Variants in PRAMEF14 observed in about 807,000 individuals in gnomAD.
PRAMEF14 encodes PRAME family member 14.
Under a neutral mutation model 38.3 loss-of-function variants are expected in PRAMEF14, and 24 were observed. The ratio of observed to expected loss-of-function variants is 0.63; its 90% CI spans 0.45 to 0.88. The LOEUF (loss-of-function observed/expected upper bound fraction) is 0.88, where lower values mean the gene tolerates loss of function less well. Among genes scored for constraint, PRAMEF14 ranks in the 40% least tolerant of loss-of-function variants. The pLI, the probability that PRAMEF14 is intolerant of heterozygous loss-of-function variation, is 0.00. For synonymous variants in PRAMEF14, 194 were observed against 226.4 expected, an observed-to-expected ratio of 0.86 and a Z score of 1.29; for missense variants, 477 against 570.8, an observed-to-expected ratio of 0.84 and a Z score of 1.67.
In PRAMEF14 at chr1:13,344,274, C is replaced by T; in HGVS notation, c.630G>A (p.Leu210=). ...KIIYLNSIQQ[L]EIRNMSWPRL... ...GTGGCCAGGACATGTTGCGAATTTC[C>T]AGCTGTTGAATACTATTCAGGTATA... The change falls in exon 3 of 4, where the codon CTG becomes CTA. Residue 210 remains leucine, a synonymous_variant. Coordinates refer to ENST00000334600, the MANE Select transcript of PRAMEF14 (RefSeq NM_001024661.2). The T allele has an allele frequency of 6.2e-7, 1 of 1,606,000 alleles. No homozygotes were observed. The highest frequency in any genetic ancestry group is 1.7e-4 in the Middle Eastern group (1 of 6,020).
In PRAMEF14 at chr1:13,344,330, T is replaced by C; in HGVS notation, c.574A>G (p.Ile192Val). 6.2e-7 allele frequency: 1 copy of C among 1,607,988 alleles called. No homozygotes were observed. Among genetic ancestry groups the C allele is most frequent in the Admixed American group, 1.7e-5 (1 of 59,842 alleles). Residue 192 changes from isoleucine to valine, a missense_variant, in exon 3 of 4, where the codon ATT becomes GTT. Physicochemically the swap from Ile to Val is conservative, Grantham distance 29 (BLOSUM62 3). This residue lies in a region of PRAMEF14 where 234 missense variants were observed against 247.4 expected (regional missense o/e 0.95). Coordinates refer to ENST00000334600, the MANE Select transcript of PRAMEF14 (RefSeq NM_001024661.2). ...CSKLVNYLTP[I>V]KHLRKSLKII... ...TTCAATGACTTTCTGAGATGTTTAA[T>C]CGGCGTTAGATAATTGACCAGCTTA...
In PRAMEF14 at chr1:13,342,820, T is replaced by C; in HGVS notation, c.1133A>G (p.Gln378Arg). The part of the protein sequence containing the change: ...AILPGLSHCS[Q>R]LTTFYFGRNC... ...TCTGCCAAAGTAGAAGGTGGTGAGC[T>C]GGGAGCAGTGGCTCAGGCCAGGCAG... Residue 378 changes from glutamine (Q) to arginine (R), a missense_variant, in exon 4 of 4, where the codon CAG (glutamine) becomes CGG (arginine). Physicochemically the swap from Gln to Arg is conservative, Grantham distance 43. Coordinates refer to ENST00000334600, the MANE Select transcript of PRAMEF14 (RefSeq NM_001024661.2). 1.9e-6 allele frequency: 3 copies of C among 1,608,040 alleles called. No individual in the cohort carries two copies. The highest frequency in any genetic ancestry group is 2.5e-6 in the Non-Finnish European group (3 of 1,179,074).
Position 13,344,328 on chromosome 1 carries a change from A to T in PRAMEF14, c.576T>A (p.Ile192=). The T allele has an allele frequency of 6.2e-7, 1 of 1,607,970 alleles. No individual in the cohort carries two copies. The highest frequency in any genetic ancestry group is 8.5e-7 in the Non-Finnish European group (1 of 1,178,322). The stretch of plus-strand genomic sequence containing the variant: ...TTTTCAATGACTTTCTGAGATGTTT[A>T]ATCGGCGTTAGATAATTGACCAGCT... The part of the protein sequence containing the change: ...CSKLVNYLTP[I]KHLRKSLKII... The change falls in exon 3 of 4, where the codon ATT becomes ATA. Residue 192 remains isoleucine (I), a synonymous_variant. Transcript: ENST00000334600.
rs774042273 is a variant in PRAMEF14 at position 13,342,782 on chromosome 1, T to C, written c.1171A>G (p.Met391Val). Residue 391 changes from methionine to valine, a missense_variant, in exon 4 of 4, where the codon ATG (methionine) becomes GTG (valine). This residue lies in a region of PRAMEF14 where 151 missense variants were observed against 137.4 expected (regional missense o/e 1.10). Coordinates refer to ENST00000334600, the MANE Select transcript of PRAMEF14 (RefSeq NM_001024661.2). ...TFYFGRNCMS[M>V]GALKDLLCHT... is the part of the protein sequence containing the mutation. ...CACAACAGGTCCTTCAGGGCACCCA[T>C]AGACATACAATTTCTGCCAAAGTAG... The C allele has an allele frequency of 3.7e-6, 6 of 1,604,170 alleles. No individual in the cohort carries two copies. The highest frequency in any genetic ancestry group is 2.4e-5 in the East Asian group (1 of 41,704).
At chr1:13,346,248 C>A (rs1331322987) in intron 1 of PRAMEF14, among the ~76,000 whole-genome samples, 6 of 151,338 alleles carry the variant, frequency 4.0e-5, no homozygotes, top group South Asian at 2.1e-4. Flanking sequence ...TGGCTCACTC[C>A]TGTAATCCCA....
Position 13,342,592 on chromosome 1 carries a change from G to A in PRAMEF14, c.1361C>T (p.Pro454Leu), listed in dbSNP as rs760816587. ...VRQPKRIFIG[P>L]TPCPSCGSSP... is the part of the protein sequence containing the mutation. ...TGAGCCACAGGAAGGGCAGGGGGTG[G>A]GACCAATGAAGATCCTCTTGGGCTG... Residue 454 changes from proline (P) to leucine (L), a missense_variant, in exon 4 of 4, where the codon CCC (proline) becomes CTC (leucine). Around this residue, in one of 4 missense-constraint regions of PRAMEF14, gnomAD observed 151 missense variants for 137.4 expected, o/e 1.10. Coordinates refer to ENST00000334600, the MANE Select transcript of PRAMEF14 (RefSeq NM_001024661.2). 9.3e-6 allele frequency: 15 copies of A among 1,604,548 alleles called. No individual in the cohort carries two copies. Among genetic ancestry groups the A allele is most frequent in the Non-Finnish European group, 1.2e-5 (14 of 1,177,542 alleles).
At position 13,342,628 on chromosome 1, in the gene PRAMEF14, C is replaced by T; in HGVS notation, c.1325G>A (p.Arg442Lys). 6.2e-7 allele frequency: 1 copy of T among 1,605,030 alleles called. No individual in the cohort carries two copies. The highest frequency in any genetic ancestry group is 8.5e-7 in the Non-Finnish European group (1 of 1,178,008). Residue 442 changes from arginine (R) to lysine (K), a missense_variant, in exon 4 of 4, where the codon AGG (arginine) becomes AAG (lysine). Coordinates refer to ENST00000334600, the MANE Select transcript of PRAMEF14 (RefSeq NM_001024661.2). ...GATCCTCTTGGGCTGCCTGACTTCCCTCAGTGTACACATCAGCTCAGCCCG... is the reference window on the plus strand; with the variant it reads ...GATCCTCTTGGGCTGCCTGACTTCCTTCAGTGTACACATCAGCTCAGCCCG... The part of the protein sequence containing the change: ...LLRAELMCTL[R>K]EVRQPKRIFI...
At position 13,342,810 on chromosome 1, in the gene PRAMEF14, G is replaced by A. The variant is rs753234998; in HGVS notation, c.1143C>T (p.Thr381=). 2.5e-6 allele frequency: 4 copies of A among 1,607,446 alleles called. No individual in the cohort carries two copies. Among genetic ancestry groups the A allele is most frequent in the African/African-American group, 1.3e-5 (1 of 74,670 alleles). Residue 381 remains threonine (T), a synonymous_variant, in exon 4 of 4, where the codon ACC becomes ACT. Transcript: ENST00000334600. Reference sequence around the variant, plus strand: ...ACATACAATTTCTGCCAAAGTAGAAGGTGGTGAGCTGGGAGCAGTGGCTCA... The same window carrying A: ...ACATACAATTTCTGCCAAAGTAGAAAGTGGTGAGCTGGGAGCAGTGGCTCA... ...PGLSHCSQLT[T]FYFGRNCMSM...
chr1:13,344,497 T>A lies in PRAMEF14; in HGVS notation c.407A>T (p.Glu136Val). 1 of 1,607,432 alleles carries A rather than the reference T, an allele frequency of 6.2e-7. No homozygotes were observed. Among genetic ancestry groups the A allele is most frequent in the Non-Finnish European group, 8.5e-7 (1 of 1,178,912 alleles). The change falls in exon 3 of 4, where the codon GAG (glutamate) becomes GTG (valine). Residue 136 changes from glutamate to valine, a missense_variant. Physicochemically the swap from Glu to Val is moderately radical, Grantham distance 121 (BLOSUM62 -2). Transcript: ENST00000334600. ...PETMSKRQTA[E>V]DCPRMGEHQP... ...GTGCTCTCCCATCCTTGGACAGTCC[T>A]CTGCTGTCTGCCTCTTACTCATGGT... is the stretch of plus-strand genomic sequence containing the variant.
chr1:13,343,884 T>A (rs1157771488), intron 3 of PRAMEF14, 154 bp downstream of exon 3: 7 of 1,508,066 alleles, frequency 4.6e-6, no homozygotes. Context: ...CTCCAGGACA[T>A]GGAACACTGA....
Position 13,344,403 on chromosome 1 carries a change from G to C in PRAMEF14, c.501C>G (p.Leu167=). ...EIPQDECLRY[L]FQWVYQRRGL... is the part of the protein sequence containing the mutation. ...CTCTCCTTTGGTAAACCCACTGAAA[G>C]AGGTATCTCAGGCATTCATCCTGGG... Residue 167 remains leucine (L), a synonymous_variant, in exon 3 of 4, where the codon CTC becomes CTG. Transcript: ENST00000334600. 3 of 1,604,340 alleles carry C rather than the reference G, an allele frequency of 1.9e-6. No homozygotes were observed. Among genetic ancestry groups the C allele is most frequent in the Non-Finnish European group, 2.5e-6 (3 of 1,176,926 alleles).
At chr1:13,346,888 T>C (rs1239276034) in intron 1 of PRAMEF14, among the ~76,000 whole-genome samples, 169 bp downstream of exon 1, 2 of 150,108 alleles carry the variant, frequency 1.3e-5, no homozygotes, top group African/African-American at 4.9e-5. Context: ...AAATCACAAT[T>C]TGATGGATGA....
intron 1 of PRAMEF14, among the ~76,000 whole-genome samples, chr1:13,346,643 T>C (rs1640408024): frequency 1.3e-5 from 2 of 148,442 alleles, no homozygotes; most frequent in African/African-American, 4.9e-5. Flanking sequence ...AATCCCATGA[T>C]CTGAGCAAAA....
chr1:13,343,972 A>T, intron 3 of PRAMEF14, 66 bp downstream of exon 3: 1 of 1,600,666 alleles, frequency 6.2e-7, no homozygotes, highest in South Asian at 1.1e-5. Flanking sequence ...CACGCCTTCT[A>T]ATGTTTGCTG....
intron 1 of PRAMEF14, 145 bp from the exon 2 acceptor site, chr1:13,345,484 C>G (rs1273044900): frequency 7.8e-7 from 1 of 1,279,730 alleles, no homozygotes; most frequent in Non-Finnish European, 1.1e-6. Context: ...ATCCTTCATT[C>G]CACTGAATCC....
chr1:13,346,334 C>G (rs1640404646), intron 1 of PRAMEF14, among the ~76,000 whole-genome samples: 1 of 151,028 alleles, frequency 6.6e-6, no homozygotes, highest in South Asian at 2.1e-4. Flanking sequence ...ATGGCAAAAC[C>G]CTGTGTCTAC....
At chr1:13,345,727 G>A (rs1337886086) in intron 1 of PRAMEF14, among the ~76,000 whole-genome samples, 2 of 151,690 alleles carry the variant, frequency 1.3e-5, no homozygotes, top group African/African-American at 4.8e-5. Flanking sequence ...AAATGGACCA[G>A]GTGCTGTGGC....
chr1:13,343,701 C>T, intron 3 of PRAMEF14: 1 of 1,348,936 alleles, frequency 7.4e-7, no homozygotes, highest in Non-Finnish European at 9.8e-7. Flanking sequence ...ATACCCTCCT[C>T]TATTATCTCT....
Position 13,345,350 on chromosome 1 carries a change from A to T in PRAMEF14, c.-25-11T>A. 1 of 1,601,718 alleles carries T rather than the reference A, an allele frequency of 6.2e-7. No homozygotes were observed. Among genetic ancestry groups the T allele is most frequent in the Non-Finnish European group, 8.5e-7 (1 of 1,175,794 alleles). On this transcript the variant is annotated splice_polypyrimidine_tract_variant and intron_variant, in intron 1 of 3. Coordinates refer to ENST00000334600, the MANE Select transcript of PRAMEF14 (RefSeq NM_001024661.2). ...CTGCAAGAAAAATCTCTAGAAGACA[A>T]ATCCAGGGAAAATGTATCACTCTCA...
Sources: gnomAD v4.1 joint callset for allele counts (sites outside exome capture counted in the v4.1 genomes callset) on GRCh38, gnomAD v4.1.1 for gene constraint, gnomAD v4.1.1 regional missense constraint, MANE v1.5 for transcripts, NCBI Gene and HGNC (gene_info 2026-07-23, HGNC 2026-07-21) for gene names.